The following TMEM117 variants were observed in gnomAD, a reference collection of about 807,000 sequenced individuals.
TMEM117 encodes the protein transmembrane protein 117.
TMEM117 carries 27 observed loss-of-function variants against 52.4 expected under a neutral mutation model. That is an observed-to-expected ratio of 0.51 (90% CI 0.38 to 0.71). The LOEUF is 0.71. TMEM117 is among the 30% of genes least tolerant of loss of function. TMEM117 has a pLI of 0.00. For missense variants in TMEM117, 556 were observed against 630.5 expected, an observed-to-expected ratio of 0.88 and a Z score of 1.26; for synonymous variants, 215 against 206.3, an observed-to-expected ratio of 1.04 and a Z score of -0.36.
At chr12:44,014,914 A>C (rs1946350582) in intron 3 of TMEM117, among the ~76,000 whole-genome samples, 1 of 152,088 alleles carries the variant, frequency 6.6e-6, no homozygotes, top group African/African-American at 2.4e-5. Context: ...GCTTTAAGGC[A>C]CACTACCTTG....
At chr12:44,019,956 G>T (rs1209549191) in intron 3 of TMEM117, among the ~76,000 whole-genome samples, 3 of 152,132 alleles carry the variant, frequency 2.0e-5, no homozygotes, top group Non-Finnish European at 2.9e-5. Context: ...TTTTGTAATA[G>T]AATCTGGTTG....
chr12:43,813,231 G>GTTTTTTTTTTTTTT, the TMEM117 span, among the ~76,000 whole-genome samples: 16 of 62,666 alleles, frequency 2.6e-4, 2 homozygotes, highest in Non-Finnish European at 3.2e-4. Context: ...GTTTTCTCTT[G>GTTTTTTTTTTTTTT]TTTTTTTTTT....
chr12:44,218,021 C>T (rs373319936), intron 5 of TMEM117, among the ~76,000 whole-genome samples: 1 of 151,938 alleles, frequency 6.6e-6, no homozygotes, highest in Non-Finnish European at 1.5e-5. Context: ...TTCAGGAGTT[C>T]GAGACTAGAC....
chr12:44,290,517 AT>A (rs1463896565), intron 5 of TMEM117, among the ~76,000 whole-genome samples: 1 of 152,072 alleles, frequency 6.6e-6, no homozygotes, highest in African/African-American at 2.4e-5. Context: ...GTATGGGTTT[AT>A]TTCTGGCTCT....
chr12:44,136,954 C>T (rs1197110957), intron 3 of TMEM117, among the ~76,000 whole-genome samples: 11 of 151,908 alleles, frequency 7.2e-5, no homozygotes, highest in Non-Finnish European at 1.6e-4. Context: ...ATTGCAAATC[C>T]TTGTTTTTAC....
At chr12:43,895,258 G>A (rs1470764960) in intron 2 of TMEM117, among the ~76,000 whole-genome samples, 3 of 151,908 alleles carry the variant, frequency 2.0e-5, no homozygotes, top group African/African-American at 7.3e-5. Flanking sequence ...GTTTGGTTTT[G>A]TGTTCCTGTG....
At chr12:43,822,257 A>G in the TMEM117 span, among the ~76,000 whole-genome samples, 1 of 152,226 alleles carries the variant, frequency 6.6e-6, no homozygotes, top group African/African-American at 2.4e-5. Flanking sequence ...CAACATCCAC[A>G]TTAAAACAAG....
intron 3 of TMEM117, among the ~76,000 whole-genome samples, chr12:43,982,587 A>G (rs1317326448): frequency 6.6e-6 from 1 of 152,212 alleles, no homozygotes; most frequent in African/African-American, 2.4e-5. Flanking sequence ...CAAATTATTG[A>G]GATGGCATCT....
chr12:44,195,883 G>T (rs1317306636), intron 4 of TMEM117, among the ~76,000 whole-genome samples: 5 of 145,680 alleles, frequency 3.4e-5, no homozygotes, highest in Admixed American at 2.8e-4. Context: ...GCAAGACCCT[G>T]TCTCTAAAAT....
At chr12:43,975,738 A>T (rs1348740731) in intron 3 of TMEM117, among the ~76,000 whole-genome samples, 2 of 152,246 alleles carry the variant, frequency 1.3e-5, no homozygotes, top group East Asian at 3.8e-4. Flanking sequence ...TTCACCAAAC[A>T]TTAGCAGACT....
At chr12:44,192,826 A>AT (rs1395285666) in intron 4 of TMEM117, among the ~76,000 whole-genome samples, 2 of 152,224 alleles carry the variant, frequency 1.3e-5, no homozygotes, top group African/African-American at 4.8e-5. Flanking sequence ...CTGTCTGGTT[A>AT]TATTTTCCTG....
At chr12:44,188,724 A>G (rs933681604) in intron 4 of TMEM117, among the ~76,000 whole-genome samples, 1 of 152,022 alleles carries the variant, frequency 6.6e-6, no homozygotes, top group Non-Finnish European at 1.5e-5. Flanking sequence ...CACCTCCCAC[A>G]GCACTCCCAT....
rs1332316976 is a variant in TMEM117 at position 43,909,050 on chromosome 12, T to C, written c.278-35160T>C. Among the ~76,000 whole-genome samples the C allele has an allele frequency of 2.7e-5, 2 of 73,524 alleles. 1 individual carries two copies. Among genetic ancestry groups the C allele is most frequent in the African/African-American group, 6.2e-5 (2 of 32,224 alleles). 48.2% of individuals were successfully genotyped at this position (73,524 alleles called of 152,430 possible). On this transcript the variant is annotated intron_variant, in intron 2 of 7. Transcript: ENST00000266534. ...CCAAATCAACAGAATATACATTTTT[T>C]TCAGCACCACACCACACCTATTCCA...
intron 6 of TMEM117, among the ~76,000 whole-genome samples, chr12:44,341,738 G>A (rs1333994930): frequency 6.6e-6 from 1 of 152,114 alleles, no homozygotes; most frequent in South Asian, 2.1e-4. Flanking sequence ...ATTTGATTGG[G>A]TTATATAGCT....
At chr12:44,349,820 G>A (rs1286971734) in intron 6 of TMEM117, among the ~76,000 whole-genome samples, 3 of 151,988 alleles carry the variant, frequency 2.0e-5, no homozygotes, top group Non-Finnish European at 4.4e-5. Context: ...ACTGTACCAT[G>A]TACTAGAAAC....
intron 2 of TMEM117, among the ~76,000 whole-genome samples, chr12:43,849,704 T>G (rs1943272862): frequency 6.6e-6 from 1 of 152,140 alleles, no homozygotes; most frequent in African/African-American, 2.4e-5. Context: ...CAGTTTCTCC[T>G]TTTTTTCTTA....
intron 3 of TMEM117, among the ~76,000 whole-genome samples, chr12:44,029,119 G>T (rs1284036259): frequency 6.6e-6 from 1 of 152,188 alleles, no homozygotes; most frequent in Admixed American, 6.5e-5. Context: ...TGTCTCCTAA[G>T]AGAGGGTTAA....
At chr12:44,231,402 A>G (rs1244642751) in intron 5 of TMEM117, among the ~76,000 whole-genome samples, 1 of 151,636 alleles carries the variant, frequency 6.6e-6, no homozygotes, top group Admixed American at 6.6e-5. Context: ...CATTTTAGCT[A>G]TTTCCCATTT....
intron 3 of TMEM117, among the ~76,000 whole-genome samples, chr12:43,979,385 AT>A (rs960346282): frequency 1.3e-5 from 2 of 151,880 alleles, no homozygotes; most frequent in Admixed American, 6.6e-5. Context: ...CAATTAGGAA[AT>A]TTTTTTTCTA....
Sources: gnomAD v4.1 joint callset for allele counts (sites outside exome capture counted in the v4.1 genomes callset) on GRCh38, gnomAD v4.1.1 for gene constraint, MANE v1.5 for transcripts, NCBI Gene and HGNC (gene_info 2026-07-23, HGNC 2026-07-21) for gene names.